TTN: variants seen among roughly 807,000 people sequenced by gnomAD.
TTN encodes titin.
A neutral mutation model predicts 3,223.0 loss-of-function variants in TTN; 1,525 were observed. The ratio of observed to expected loss-of-function variants is 0.47; its 90% confidence interval spans 0.45 to 0.49. The LOEUF (loss-of-function observed/expected upper bound fraction) is 0.49, where lower values mean the gene tolerates loss of function less well. TTN is among the 20% of genes least tolerant of loss of function. The pLI is 0.00. For missense variants in TTN, 40,786 were observed against 43,424.0 expected (o/e 0.94, Z 5.40); for synonymous variants, 14,094 against 15,161.0 (o/e 0.93, Z 5.17).
chr2:178,561,260 C>T lies in TTN; in HGVS notation c.84872G>A (p.Arg28291His), dbSNP rs774924903. The change falls in exon 326 of 363, where the codon CGC becomes CAC. Residue 28291 changes from arginine (R) to histidine (H), a missense_variant. Coordinates refer to ENST00000589042, the MANE Select transcript of TTN (RefSeq NM_001267550.2). ...GAKITGYIVERRELPDGRWLK... is the reference protein window; with the variant it reads ...GAKITGYIVEHRELPDGRWLK... ...CCACCGGCCATCTGGTAGTTCTCTG[C>T]GTTCAACAATGTATCCTGTGATCTT... The T allele has an allele frequency of 3.4e-5, 55 of 1,613,550 alleles. No individual in the cohort carries two copies. Among genetic ancestry groups the T allele is most frequent in the Non-Finnish European group, 4.1e-5 (48 of 1,179,790 alleles).
At chr2:178,724,790 AATT>A in intron 71 of TTN, 1 of 330,888 alleles carries the variant, frequency 3.0e-6, no homozygotes, top group African/African-American at 2.1e-5. Context: ...CTTATGTAGC[AATT>A]ATTCTTAAGA....
In TTN at chr2:178,745,434, C is replaced by G; in HGVS notation, c.11312-3513G>C. 4 of 1,457,116 alleles carry G rather than the reference C, an allele frequency of 2.7e-6. 1 individual carries two copies. The South Asian group carries it at 5.7e-5, about 21-fold the overall frequency. The allele number at this position is 1,457,116 out of a possible 1,614,324, so 90.3% of individuals were successfully genotyped here. A position where few individuals can be genotyped will look rare whatever the true frequency, so the allele number is the denominator to read the frequency against. ...TACATGTATTACAAAGATGAGATTT[C>G]TACATAGAGATTATTTCTTTAGGGG... is the stretch of plus-strand genomic sequence containing the variant. On this transcript the variant is annotated intron_variant, in intron 47 of 362. Coordinates refer to ENST00000589042, the MANE Select transcript of TTN (RefSeq NM_001267550.2).
rs139548824 is a variant in TTN at position 178,645,598 on chromosome 2, T to C, written c.40408+322A>G. ...TTCCTTAAGCATAAGATCGCAATGA[T>C]ATGTATAGCAATCAGGCTTTGAAAT... On this transcript the variant is annotated intron_variant, in intron 217 of 362. Coordinates refer to ENST00000589042, the MANE Select transcript of TTN (RefSeq NM_001267550.2). 320 of 181,020 alleles carry C rather than the reference T, an allele frequency of 1.8e-3. 5 individuals carry two copies. In the South Asian group the frequency reaches 0.023, roughly 13 times the overall value. The allele number at this position is 181,020 out of a possible 1,614,324, so 11.2% of individuals were successfully genotyped here.
At chr2:178,780,449 A>T (rs2154348462) in intron 21 of TTN, among the ~76,000 whole-genome samples, 1 of 152,292 alleles carries the variant, frequency 6.6e-6, no homozygotes, top group South Asian at 2.1e-4. Flanking sequence ...TTTTGGGGGG[A>T]TCTACCACGG....
At position 178,589,199 on chromosome 2, in the gene TTN, A is replaced by G. The variant is rs2049710031; in HGVS notation, c.62526T>C (p.Tyr20842=). Residue 20842 remains tyrosine (Y), a synonymous_variant, in exon 304 of 363, where the codon TAT becomes TAC. Coordinates refer to ENST00000589042, the MANE Select transcript of TTN (RefSeq NM_001267550.2). The part of the protein sequence containing the change: ...TKAKRSDGGK[Y]VVTATNTAGS... ...CAGCCGTGTTAGTTGCCGTAACTAC[A>G]TATTTACCCCCATCACTTCGCTTTG... 4 of 1,613,526 alleles carry G rather than the reference A, an allele frequency of 2.5e-6. No homozygotes were observed. The highest frequency in any genetic ancestry group is 2.5e-6 in the Non-Finnish European group (3 of 1,179,626).
At position 178,732,175 on chromosome 2, in the gene TTN, A is replaced by C. The variant is rs2080662089; in HGVS notation, c.16794T>G (p.Thr5598=). ...SKHRMSFVES[T]AVLRLTDVGI... is the part of the protein sequence containing the mutation. ...CAACATCTGTCAGTCTTAGAACTGCAGTAGACTCCACAAAAGACATTCTGT... is the reference window on the plus strand; with the variant it reads ...CAACATCTGTCAGTCTTAGAACTGCCGTAGACTCCACAAAAGACATTCTGT... The change falls in exon 57 of 363, where the codon ACT becomes ACG. Residue 5598 remains threonine, a synonymous_variant. Transcript: ENST00000589042. 1.2e-6 allele frequency: 2 copies of C among 1,613,754 alleles called. No individual in the cohort carries two copies. The highest frequency in any genetic ancestry group is 2.7e-5 in the African/African-American group (2 of 74,940).
chr2:178,630,822 C>A lies in TTN; in HGVS notation c.44136G>T (p.Glu14712Asp), dbSNP rs377495241. 6.2e-7 allele frequency: 1 copy of A among 1,613,018 alleles called. No individual in the cohort carries two copies. Among genetic ancestry groups the A allele is most frequent in the Non-Finnish European group, 8.5e-7 (1 of 1,179,348 alleles). The change falls in exon 238 of 363, where the codon GAG becomes GAT. Residue 14712 changes from glutamate to aspartate, a missense_variant. By Grantham distance (45) the Glu-to-Asp change is conservative. Coordinates refer to ENST00000589042, the MANE Select transcript of TTN (RefSeq NM_001267550.2). ...GCCTTACAGGTGTTTGGAGTAGGGC[C>A]TCTCCCTTGAGTTTCCAGTTGGCGT... ...DIHANWKLKG[E>D]ALLQTPDCEI... is the part of the protein sequence containing the mutation.
rs2077041323 is a variant in TTN at position 178,713,754 on chromosome 2, A to G, written c.26761+143T>C. ...ACATGGTTTTCTTCTAATTCTACAG[A>G]TGGTATTGCCTCTGAATTTGCTGAT... On this transcript the variant is annotated intron_variant, in intron 92 of 362. Coordinates refer to ENST00000589042, the MANE Select transcript of TTN (RefSeq NM_001267550.2). 14 of 1,056,806 alleles carry G rather than the reference A, an allele frequency of 1.3e-5. No homozygotes were observed. The South Asian group carries it at 2.5e-4, about 19-fold the overall frequency. The allele number at this position is 1,056,806 out of a possible 1,614,324, so 65.5% of individuals were successfully genotyped here. A position where few individuals can be genotyped will look rare whatever the true frequency, so the allele number is the denominator to read the frequency against.
In TTN at chr2:178,619,426, G is replaced by A. The variant is rs1034002326; in HGVS notation, c.46696+195C>T. On this transcript the variant is annotated intron_variant, in intron 250 of 362. Transcript: ENST00000589042. Reference sequence around the variant, plus strand: ...TAGCAACTGTCCAAGGCTCTGGCATGTAAAGATTATTGCTATTAATTTCCT... The same window carrying A: ...TAGCAACTGTCCAAGGCTCTGGCATATAAAGATTATTGCTATTAATTTCCT... The A allele has an allele frequency of 6.7e-5, 43 of 637,162 alleles. No homozygotes were observed. In the African/African-American group the frequency reaches 7.9e-4, roughly 12 times the overall value. 39.5% of individuals were successfully genotyped at this position (637,162 alleles called of 1,614,324 possible).
chr2:178,706,503 T>C lies in TTN; in HGVS notation c.29371A>G (p.Arg9791Gly). ...ESNVNLQVDE[R>G]KKQEKIEGDL... ...CCTTCAATTTTCTCTTGTTTCTTCC[T>C]TTCATCCACCTGTAAGTTAACATTA... The change falls in exon 102 of 363, where the codon AGG (arginine) becomes GGG (glycine). Residue 9791 changes from arginine (R) to glycine (G), a missense_variant. By Grantham distance (125) the Arg-to-Gly change is moderately radical. Transcript: ENST00000589042. The C allele has an allele frequency of 1.2e-6, 2 of 1,613,876 alleles. No individual in the cohort carries two copies. Among genetic ancestry groups the C allele is most frequent in the Non-Finnish European group, 1.7e-6 (2 of 1,179,816 alleles).
Position 178,620,101 on chromosome 2 carries a change from T to C in TTN, c.46316A>G (p.Glu15439Gly). Residue 15439 changes from glutamate (E) to glycine (G), a missense_variant, in exon 249 of 363, where the codon GAA (glutamate) becomes GGA (glycine). Coordinates refer to ENST00000589042, the MANE Select transcript of TTN (RefSeq NM_001267550.2). ...GAGTCTGTGTATACTTCCATCTTTT[T>C]CAAATTTGTATCTAAAGGAGACATT... ...EIKEGKKYKF[E>G]KDGSIHRLII... 1 of 1,609,342 alleles carries C rather than the reference T, an allele frequency of 6.2e-7. No individual in the cohort carries two copies. Among genetic ancestry groups the C allele is most frequent in the Non-Finnish European group, 8.5e-7 (1 of 1,178,156 alleles).
chr2:178,725,364 C>T lies in TTN; in HGVS notation c.20836+4G>A. 4 of 1,514,772 alleles carry T rather than the reference C, an allele frequency of 2.6e-6. No homozygotes were observed. The highest frequency in any genetic ancestry group is 3.5e-6 in the Non-Finnish European group (4 of 1,128,990). 93.8% of individuals were successfully genotyped at this position (1,514,772 alleles called of 1,614,324 possible). A position where few individuals can be genotyped will look rare whatever the true frequency, so the allele number is the denominator to read the frequency against. ...CAGTTTCTATCGTGGGCTATTGTAC[C>T]AACCTAAGACCATCAGTGTGGCCAT... On this transcript the variant is annotated splice_donor_region_variant and intron_variant, in intron 71 of 362. Coordinates refer to ENST00000589042, the MANE Select transcript of TTN (RefSeq NM_001267550.2).
intron 133 of TTN, among the ~76,000 whole-genome samples, 188 bp downstream of exon 133, chr2:178,683,811 T>C (rs1016613837): frequency 2.0e-5 from 3 of 151,710 alleles, no homozygotes; most frequent in Admixed American, 6.6e-5. Flanking sequence ...GAAGCCTCAC[T>C]TTTTTTTAAG....
rs56391938 is a variant in TTN, at chr2:178,568,916, G to C, written c.77216C>G (p.Ala25739Gly). The part of the protein sequence containing the change: ...KIIQYIVEMQ[A>G]KHSEKWSECA... Reference sequence around the variant, plus strand: ...CTCTGACCATTTCTCACTGTGTTTAGCTTGCATTTCCACAATATACTGAAT... The same window carrying C: ...CTCTGACCATTTCTCACTGTGTTTACCTTGCATTTCCACAATATACTGAAT... Residue 25739 changes from alanine to glycine, a missense_variant, in exon 326 of 363, where the codon GCT becomes GGT. Transcript: ENST00000589042. 1,185 of 1,613,240 alleles carry C rather than the reference G, an allele frequency of 7.3e-4. 1 individual carries two copies. The highest frequency in any genetic ancestry group is 9.6e-4 in the Non-Finnish European group (1,131 of 1,179,564).
At chr2:178,722,215 T>C in intron 77 of TTN, 44 bp downstream of exon 77, 1 of 1,531,026 alleles carries the variant, frequency 6.5e-7, no homozygotes, top group South Asian at 1.3e-5. Context: ...CAATGAAATA[T>C]GAAGCCACAG....
intron 154 of TTN, 28 bp downstream of exon 154, chr2:178,672,379 C>A: frequency 6.2e-7 from 1 of 1,602,020 alleles, no homozygotes; most frequent in Non-Finnish European, 8.5e-7. Flanking sequence ...CAACAATACA[C>A]GAAAATCCAG....
intron 282 of TTN, among the ~76,000 whole-genome samples, chr2:178,603,218 A>T (rs1383679800): frequency 6.6e-6 from 1 of 152,018 alleles, no homozygotes; most frequent in African/African-American, 2.4e-5. Context: ...TAACTACCTC[A>T]TTATATAGGT....
rs759932470 is a variant in TTN, at chr2:178,542,438, G to A, written c.97318C>T (p.Arg32440Cys). 5 of 1,613,656 alleles carry A rather than the reference G, an allele frequency of 3.1e-6. No individual in the cohort carries two copies. The highest frequency in any genetic ancestry group is 1.1e-5 in the South Asian group (1 of 91,080). ...APLSGYVVEQ[R>C]DAHRPGWLPV... The stretch of plus-strand genomic sequence containing the variant: ...AGCCATCCTGGACGATGAGCGTCAC[G>A]TTGTTCTACCACATAACCACTCAGT... The change falls in exon 349 of 363, where the codon CGT becomes TGT. Residue 32440 changes from arginine (R) to cysteine (C), a missense_variant. Arg to Cys is a radical substitution (Grantham distance 180). Transcript: ENST00000589042.
chr2:178,619,355 G>A, intron 250 of TTN: 1 of 514,290 alleles, frequency 1.9e-6, no homozygotes, highest in Non-Finnish European at 3.4e-6. Flanking sequence ...GACTCTCAGG[G>A]TGATAGCTTA....
Sources: gnomAD v4.1 joint callset for allele counts (sites outside exome capture counted in the v4.1 genomes callset) on GRCh38, gnomAD v4.1.1 for gene constraint, MANE v1.5 for transcripts, NCBI Gene and HGNC (gene_info 2026-07-23, HGNC 2026-07-21) for gene names.